The following MBIP variants were observed in gnomAD, a reference collection of about 807,000 sequenced individuals.
The protein encoded by MBIP is MAP3K12-binding inhibitory protein 1.
A neutral mutation model predicts 45.7 loss-of-function variants in MBIP; 32 were observed. The ratio of observed to expected loss-of-function variants is 0.70; its 90% CI spans 0.53 to 0.94. MBIP has a LOEUF of 0.94. Ranked by LOEUF, MBIP falls within the 40% of genes least tolerant of loss-of-function variation. The pLI is 0.00. For missense variants in MBIP, 381 were observed against 405.5 expected, an observed-to-expected ratio of 0.94 and a Z score of 0.52; for synonymous variants, 145 against 141.0, an observed-to-expected ratio of 1.03 and a Z score of -0.20.
chr14:36,314,726 G>A lies in MBIP; in HGVS notation c.439C>T (p.Pro147Ser), dbSNP rs373403289. The A allele has an allele frequency of 1.9e-6, 3 of 1,613,390 alleles. No homozygotes were observed. The highest frequency in any genetic ancestry group is 1.1e-5 in the South Asian group (1 of 91,042). Residue 147 changes from proline (P) to serine (S), a missense_variant, in exon 3 of 9, where the codon CCA becomes TCA. Pro to Ser is a moderately conservative substitution (Grantham distance 74). Transcript: ENST00000416007. The part of the protein sequence containing the change: ...DVKKTQIHFD[P>S]EVVQIKAGKA... ...CCAGCCTTTATCTGAACTACTTCTG[G>A]ATCAAAATGGATCTGTGTCTTTTTC...
In MBIP at chr14:36,303,775, C is replaced by T. The variant is rs180858155; in HGVS notation, c.889-2952G>A. On this transcript the variant is annotated intron_variant, in intron 7 of 8. Transcript: ENST00000416007. ...GGAGGCCTCTTCCATGACTGGCTTG[C>T]TTTCTTTCAGTTGTAAAAGGCAACT... Among the ~76,000 whole-genome samples, 483 of 152,232 alleles carry T rather than the reference C, an allele frequency of 3.2e-3. 2 individuals carry two copies. The highest frequency in any genetic ancestry group is 0.011 in the African/African-American group (465 of 41,544).
At chr14:36,302,181 T>TA (rs1299013761) in intron 7 of MBIP, among the ~76,000 whole-genome samples, 1 of 152,224 alleles carries the variant, frequency 6.6e-6, no homozygotes, top group Admixed American at 6.5e-5. Flanking sequence ...GGTGGCTTTT[T>TA]ATACACTTGA....
chr14:36,304,027 T>C (rs534455072), intron 7 of MBIP, among the ~76,000 whole-genome samples: 11 of 152,224 alleles, frequency 7.2e-5, no homozygotes, highest in Non-Finnish European at 1.5e-4. Flanking sequence ...ATACTAGAAG[T>C]GCAAACTGGT....
At chr14:36,312,933 C>A (rs999039784) in intron 4 of MBIP, among the ~76,000 whole-genome samples, 3 of 150,324 alleles carry the variant, frequency 2.0e-5, no homozygotes, top group Admixed American at 6.6e-5. Flanking sequence ...TTTTTTCCCC[C>A]CTATGAAATT....
chr14:36,307,947 A>G (rs2139212111), intron 7 of MBIP, 145 bp downstream of exon 7: 1 of 438,726 alleles, frequency 2.3e-6, no homozygotes, highest in East Asian at 3.5e-5. Context: ...GGAATTAGAT[A>G]TATCCCCTAT....
At chr14:36,301,457 C>T (rs1055423712) in intron 7 of MBIP, among the ~76,000 whole-genome samples, 45 of 152,188 alleles carry the variant, frequency 3.0e-4, no homozygotes, top group African/African-American at 1.1e-3. Context: ...AGCTTCCTCA[C>T]ATCTTTTGAG....
Position 36,299,314 on chromosome 14 carries a change from C to A in MBIP, c.928-124G>T, listed in dbSNP as rs187668311. 2.9e-5 allele frequency: 19 copies of A among 649,888 alleles called. No homozygotes were observed. In the African/African-American group the frequency reaches 3.5e-4, roughly 12 times the overall value. 40.3% of individuals were successfully genotyped at this position (649,888 alleles called of 1,614,324 possible). A position where few individuals can be genotyped will look rare whatever the true frequency, so the allele number is the denominator to read the frequency against. ...GCATGATCAAATGGTTTTTTTCCCTCATGAGAATAATCTTAAAACTGAGCA... is the reference window on the plus strand; with the variant it reads ...GCATGATCAAATGGTTTTTTTCCCTAATGAGAATAATCTTAAAACTGAGCA... On this transcript the variant is annotated intron_variant, in intron 8 of 8. Coordinates refer to ENST00000416007, the MANE Select transcript of MBIP (RefSeq NM_016586.3).
intron 7 of MBIP, among the ~76,000 whole-genome samples, chr14:36,307,348 T>C (rs1879944566): frequency 6.6e-6 from 1 of 152,120 alleles, no homozygotes; most frequent in Non-Finnish European, 1.5e-5. Context: ...TTTTCAGAAA[T>C]AGGAGTTTTG....
Position 36,316,820 on chromosome 14 carries a change from G to T in MBIP, c.130-8C>A. On this transcript the variant is annotated splice_polypyrimidine_tract_variant and splice_region_variant and intron_variant, in intron 1 of 8. Transcript: ENST00000416007. ...ATCATCTCTGAGGTCAAGCTTCAAA[G>T]GGGCAAACCAGCAACATCACAAAAA... is the stretch of plus-strand genomic sequence containing the variant. 1 of 1,595,440 alleles carries T rather than the reference G, an allele frequency of 6.3e-7. No homozygotes were observed. The highest frequency in any genetic ancestry group is 1.1e-5 in the South Asian group (1 of 87,540).
chr14:36,306,640 G>C (rs1879898213), intron 7 of MBIP, among the ~76,000 whole-genome samples: 1 of 152,108 alleles, frequency 6.6e-6, no homozygotes, highest in African/African-American at 2.4e-5. Context: ...GTTCTCATTG[G>C]AGGCATCTGA....
intron 5 of MBIP, 80 bp downstream of exon 5, chr14:36,311,879 T>A (rs1880233572): frequency 7.9e-7 from 1 of 1,271,076 alleles, no homozygotes; most frequent in East Asian, 2.4e-5. Flanking sequence ...AAAATTTAGA[T>A]GGGAAAGTTA....
intron 1 of MBIP, among the ~76,000 whole-genome samples, chr14:36,318,500 A>G (rs944580483): frequency 1.1e-4 from 17 of 152,140 alleles, no homozygotes; most frequent in African/African-American, 3.8e-4. Flanking sequence ...AGAACTTGGA[A>G]GAGTAAACCA....
intron 4 of MBIP, among the ~76,000 whole-genome samples, chr14:36,313,006 C>T (rs969129389): frequency 6.6e-6 from 1 of 152,004 alleles, no homozygotes; most frequent in Non-Finnish European, 1.5e-5. Context: ...AAGGAACACA[C>T]TAACATATTA....
At chr14:36,303,765 G>C (rs1411479907) in intron 7 of MBIP, among the ~76,000 whole-genome samples, 1 of 152,126 alleles carries the variant, frequency 6.6e-6, no homozygotes, top group Non-Finnish European at 1.5e-5. Flanking sequence ...CCTCTTCCAT[G>C]ACTGGCTTGC....
chr14:36,300,936 C>A lies in MBIP; in HGVS notation c.889-113G>T, dbSNP rs147847051. The A allele has an allele frequency of 1.8e-3, 1,112 of 614,418 alleles. 11 individuals carry two copies. The highest frequency in any genetic ancestry group is 0.017 in the African/African-American group (906 of 52,598). 38.1% of individuals were successfully genotyped at this position (614,418 alleles called of 1,614,324 possible). A position where few individuals can be genotyped will look rare whatever the true frequency, so the allele number is the denominator to read the frequency against. ...CTTGGGAACCCTGACAGAAAAAAAA[C>A]CAACCAATTTACCAATACCAATTAC... is the stretch of plus-strand genomic sequence containing the variant. On this transcript the variant is annotated intron_variant, in intron 7 of 8. Coordinates refer to ENST00000416007, the MANE Select transcript of MBIP (RefSeq NM_016586.3).
intron 8 of MBIP, 36 bp downstream of exon 8, chr14:36,300,749 T>C: frequency 6.7e-7 from 1 of 1,481,784 alleles, no homozygotes; most frequent in Non-Finnish European, 9.2e-7. Flanking sequence ...CTAATCAAAC[T>C]ATTTCAGAAA....
chr14:36,314,833 T>C lies in MBIP; in HGVS notation c.332A>G (p.Asn111Ser). The change falls in exon 3 of 9, where the codon AAC becomes AGC. Residue 111 changes from asparagine to serine, a missense_variant. Asn to Ser is a conservative substitution (Grantham distance 46). Transcript: ENST00000416007. ...AAATTTGTCATTTACTTCATTTTTG[T>C]TCCCCATTTCTGTTCTTCCTATCTC... ...VEEIGRTEMG[N>S]KNEVNDKFSI... The C allele has an allele frequency of 1.9e-6, 3 of 1,613,560 alleles. No individual in the cohort carries two copies. Among genetic ancestry groups the C allele is most frequent in the Non-Finnish European group, 8.5e-7 (1 of 1,179,682 alleles).
intron 3 of MBIP, 41 bp downstream of exon 3, chr14:36,314,650 T>C: frequency 6.2e-7 from 1 of 1,606,510 alleles, no homozygotes. Context: ...TAAGATTTTT[T>C]AAAATAATAC....
chr14:36,304,667 T>C (rs1273155414), intron 7 of MBIP, among the ~76,000 whole-genome samples: 1 of 152,260 alleles, frequency 6.6e-6, no homozygotes, highest in Admixed American at 6.5e-5. Context: ...ACAAGTATTA[T>C]TAACTTTTGT....
Sources: gnomAD v4.1 joint callset for allele counts (sites outside exome capture counted in the v4.1 genomes callset) on GRCh38, gnomAD v4.1.1 for gene constraint, MANE v1.5 for transcripts, NCBI Gene and HGNC (gene_info 2026-07-23, HGNC 2026-07-21) for gene names.